The following DOCK6 variants were observed in gnomAD, a reference collection of about 807,000 sequenced individuals.
DOCK6 encodes dedicator of cytokinesis 6, also known as dedicator of cytokinesis protein 6.
DOCK6 carries 167 observed loss-of-function variants against 230.3 expected under a neutral mutation model. The observed-to-expected ratio is 0.73, with a 90% CI of 0.64 to 0.82. DOCK6 has a LOEUF of 0.82. Among genes scored for constraint, DOCK6 ranks in the 40% least tolerant of loss-of-function variants. The pLI is 0.00. For synonymous variants in DOCK6, 1,148 were observed against 1,185.0 expected (o/e 0.97, Z 0.64); for missense variants, 2,598 against 2,825.8 (o/e 0.92, Z 1.83).
intron 14 of DOCK6, 86 bp from the exon 15 acceptor site, chr19:11,238,390 G>A (rs1211007230): frequency 1.6e-6 from 2 of 1,274,734 alleles, no homozygotes; most frequent in African/African-American, 2.9e-5. Flanking sequence ...AAGGCTGGCT[G>A]GGAGCACAGA....
intron 41 of DOCK6, 140 bp downstream of exon 41, chr19:11,203,941 T>G (rs2147704855): frequency 9.1e-7 from 1 of 1,102,090 alleles, no homozygotes; most frequent in South Asian, 1.5e-5. Context: ...AATAATGGGG[T>G]GGGTCCCTTG....
rs267605282 is a variant in DOCK6, at chr19:11,223,092, G to A, written c.2970C>T (p.Ala990=). 1.9e-6 allele frequency: 3 copies of A among 1,613,304 alleles called. No homozygotes were observed. The highest frequency in any genetic ancestry group is 1.7e-5 in the Admixed American group (1 of 59,982). Residue 990 remains alanine (A), a synonymous_variant, in exon 25 of 48, where the codon GCC becomes GCT. Coordinates refer to ENST00000294618, the MANE Select transcript of DOCK6 (RefSeq NM_020812.4). The part of the protein sequence containing the change: ...ITRVHKDVEL[A]EHLNASLAFF... The stretch of plus-strand genomic sequence containing the variant: ...AAGCCAGGCTGGCGTTGAGGTGCTC[G>A]GCCAGCTCCACATCCTGGGGACACA...
intron 28 of DOCK6, among the ~76,000 whole-genome samples, chr19:11,218,135 C>T (rs2079523863): frequency 2.0e-5 from 3 of 152,004 alleles, no homozygotes; most frequent in Admixed American, 2.0e-4. Flanking sequence ...TAGGCATGAG[C>T]CATGGCGCCT....
At position 11,214,646 on chromosome 19, in the gene DOCK6, G is replaced by A. The variant is rs1219509595; in HGVS notation, c.4110C>T (p.Thr1370=). Residue 1370 remains threonine (T), a synonymous_variant, in exon 33 of 48, where the codon ACC becomes ACT. Coordinates refer to ENST00000294618, the MANE Select transcript of DOCK6 (RefSeq NM_020812.4). ...WKQTSDRVDK[T]KDEMEHEALV... ...AGGCCTCGTGTTCCATTTCATCCTT[G>A]GTCCTGGAAGGGGAAAGGAGGTCTT... The A allele has an allele frequency of 1.5e-5, 24 of 1,613,492 alleles. No individual in the cohort carries two copies. Among genetic ancestry groups the A allele is most frequent in the Non-Finnish European group, 2.0e-5 (24 of 1,179,732 alleles).
At chr19:11,237,001 G>A in intron 18 of DOCK6, 122 bp from the exon 19 acceptor site, 1 of 1,007,762 alleles carries the variant, frequency 9.9e-7, no homozygotes, top group Non-Finnish European at 1.4e-6. Flanking sequence ...GTGCAGCCAA[G>A]CACCCTGCCC....
intron 37 of DOCK6, among the ~76,000 whole-genome samples, 193 bp downstream of exon 37, chr19:11,211,583 A>G (rs1600863619): frequency 5.1e-5 from 1 of 19,420 alleles, no homozygotes. Context: ...CTGTCTGCTC[A>G]GCTGTCTGCT....
At chr19:11,251,271 C>T in intron 5 of DOCK6, 185 bp from the exon 6 acceptor site, 1 of 610,198 alleles carries the variant, frequency 1.6e-6, no homozygotes, top group Non-Finnish European at 2.8e-6. Flanking sequence ...GTCTGGAGAG[C>T]CTCCCAACTT....
intron 32 of DOCK6, 150 bp from the exon 33 acceptor site, chr19:11,214,799 G>A (rs2079453819): frequency 1.4e-6 from 1 of 701,718 alleles, no homozygotes. Context: ...TTCTGAGACA[G>A]GGTCTTGCTC....
chr19:11,233,438 C>A, intron 21 of DOCK6, 72 bp from the exon 22 acceptor site: 1 of 1,529,206 alleles, frequency 6.5e-7, no homozygotes, highest in African/African-American at 1.4e-5. Flanking sequence ...TCCTACTCAG[C>A]TAATCTCTGC....
intron 24 of DOCK6, among the ~76,000 whole-genome samples, chr19:11,224,916 T>G (rs1033351420): frequency 6.6e-6 from 1 of 151,762 alleles, no homozygotes; most frequent in Non-Finnish European, 1.5e-5. Flanking sequence ...TACAAAAAAT[T>G]AGCCAGGGGT....
intron 39 of DOCK6, chr19:11,208,291 T>G (rs2079297002): frequency 6.6e-6 from 1 of 151,808 alleles, no homozygotes; most frequent in South Asian, 2.1e-4. Flanking sequence ...TTTTTTTTTT[T>G]TTTTTTTGAG....
chr19:11,219,985 C>G (rs144377418), intron 28 of DOCK6, among the ~76,000 whole-genome samples: 1,667 of 150,928 alleles, frequency 0.011, 33 homozygotes, highest in African/African-American at 0.039. Flanking sequence ...CAGAGTTTTG[C>G]TCTTGTTGCC....
In DOCK6 at chr19:11,218,768, T is replaced by G. The variant is rs1297341566; in HGVS notation, c.3551-1377A>C. On this transcript the variant is annotated intron_variant, in intron 28 of 47. Coordinates refer to ENST00000294618, the MANE Select transcript of DOCK6 (RefSeq NM_020812.4). ...TGGCCTTGATGTTATTACTATAGCA[T>G]CAATCAGCACTTATATGGTATCTCC... is the stretch of plus-strand genomic sequence containing the variant. Among the ~76,000 whole-genome samples the G allele has an allele frequency of 7.3e-5, 11 of 150,142 alleles. No individual in the cohort carries two copies. The East Asian group carries it at 2.0e-3, about 27-fold the overall frequency.
intron 39 of DOCK6, among the ~76,000 whole-genome samples, chr19:11,207,784 G>A (rs1019206502): frequency 6.6e-6 from 1 of 151,556 alleles, no homozygotes; most frequent in African/African-American, 2.4e-5. Flanking sequence ...CAAAAAATTA[G>A]CCGGACATAG....
intron 9 of DOCK6, among the ~76,000 whole-genome samples, chr19:11,244,539 C>T (rs922335534): frequency 7.0e-6 from 1 of 143,880 alleles, no homozygotes; most frequent in Non-Finnish European, 1.5e-5. Flanking sequence ...CGGCTCACTG[C>T]AACCTCTGCC....
rs1017047135 is a variant in DOCK6, at chr19:11,243,962, C to T, written c.1024-80G>A. On this transcript the variant is annotated intron_variant, in intron 9 of 47. Transcript: ENST00000294618. This position sits in a 1 kb window ranked among gnomAD's most constrained non-coding sequence, Gnocchi z 6.3. ...CGTGCTGGCTCCCCAGCCTCCTGGA[C>T]CCCTCATGGGCCCTCGGACACTCCT... 1.2e-5 allele frequency: 17 copies of T among 1,468,666 alleles called. No individual in the cohort carries two copies. The African/African-American group carries it at 2.4e-4, about 21-fold the overall frequency. The allele number at this position is 1,468,666 out of a possible 1,614,324, so 91.0% of individuals were successfully genotyped here.
At chr19:11,257,939 C>T (rs970289991) in intron 1 of DOCK6, among the ~76,000 whole-genome samples, 1 of 151,996 alleles carries the variant, frequency 6.6e-6, no homozygotes, top group African/African-American at 2.4e-5. Flanking sequence ...CTAATAAACA[C>T]AAATGTACAC....
chr19:11,242,788 C>A lies in DOCK6; in HGVS notation c.1480+271G>T, dbSNP rs142900932. Among the ~76,000 whole-genome samples, 84 of 152,282 alleles carry A rather than the reference C, an allele frequency of 5.5e-4. No homozygotes were observed. The East Asian group carries it at 0.014, about 25-fold the overall frequency. ...ACAGACTTGAGCCACTGCACCCCAG[C>A]CTTACCCCTACATTTGATCAACTCT... On this transcript the variant is annotated intron_variant, in intron 13 of 47. Coordinates refer to ENST00000294618, the MANE Select transcript of DOCK6 (RefSeq NM_020812.4).
intron 37 of DOCK6, among the ~76,000 whole-genome samples, chr19:11,211,353 C>A (rs2079381072): frequency 6.6e-6 from 1 of 151,818 alleles, no homozygotes; most frequent in South Asian, 2.1e-4. Flanking sequence ...TGGGTCTACT[C>A]TCTGGATCTC....
Sources: allele counts gnomAD v4.1 joint callset (sites outside exome capture counted in the v4.1 genomes callset), GRCh38; gene constraint gnomAD v4.1.1; non-coding constraint Gnocchi (gnomAD v3.1); transcripts MANE v1.5; gene names NCBI Gene and HGNC (gene_info 2026-07-23, HGNC 2026-07-21).